RGS20: variants seen among roughly 807,000 people sequenced by gnomAD.
RGS20 encodes regulator of G protein signaling 20.
Under a neutral mutation model 33.6 loss-of-function variants are expected in RGS20, and 30 were observed. That is an observed-to-expected ratio of 0.89 (90% CI 0.67 to 1.21). The LOEUF (loss-of-function observed/expected upper bound fraction) is 1.21, where lower values mean the gene tolerates loss of function less well. RGS20 is among the 50% of genes most tolerant of loss of function. RGS20 has a pLI of 0.00. For synonymous variants in RGS20, 208 were observed against 197.9 expected (o/e 1.05, Z -0.43); for missense variants, 472 against 502.4 (o/e 0.94, Z 0.58).
rs539711244 is a variant in RGS20 at position 53,911,535 on chromosome 8, T to C, written c.511-28041T>C. On this transcript the variant is annotated intron_variant, in intron 2 of 5. Transcript: ENST00000297313. ...GAAAATCTTAGGTAAGATAGATACT[T>C]TTCTGAAAAAATATAAATTTAAAAT... Among the ~76,000 whole-genome samples the C allele has an allele frequency of 3.5e-5, 5 of 142,080 alleles. No individual in the cohort carries two copies. In the South Asian group the frequency reaches 1.1e-3, roughly 31 times the overall value. The allele number at this position is 142,080 out of a possible 152,430, so 93.2% of individuals were successfully genotyped here. A position where few individuals can be genotyped will look rare whatever the true frequency, so the allele number is the denominator to read the frequency against.
intron 2 of RGS20, among the ~76,000 whole-genome samples, chr8:53,929,381 T>TA (rs1813892184): frequency 6.6e-6 from 1 of 152,144 alleles, no homozygotes. Flanking sequence ...AAAATTTTTT[T>TA]AAAAATGTAT....
In RGS20 at chr8:53,879,372, C is replaced by T; in HGVS notation, c.280C>T (p.Pro94Ser). ...CTTCTCTCACCTTCTCCGGCGACCC[C>T]CTCCCGAGGCTCCCCGGAGGCGCCT... Residue 94 changes from proline to serine, a missense_variant, in exon 2 of 6, where the codon CCT (proline) becomes TCT (serine). Around this residue, in one of 3 missense-constraint regions of RGS20, gnomAD observed 319 missense variants for 283.4 expected, o/e 1.13. Coordinates refer to ENST00000297313, the MANE Select transcript of RGS20 (RefSeq NM_170587.4). 1 of 1,611,630 alleles carries T rather than the reference C, an allele frequency of 6.2e-7. No homozygotes were observed. Among genetic ancestry groups the T allele is most frequent in the Non-Finnish European group, 8.5e-7 (1 of 1,179,844 alleles).
intron 1 of RGS20, among the ~76,000 whole-genome samples, chr8:53,853,175 G>A (rs1811602996): frequency 6.6e-6 from 1 of 152,212 alleles, no homozygotes; most frequent in Non-Finnish European, 1.5e-5. Context: ...AAGGCAGAAT[G>A]TGGAGGCTAC....
At chr8:53,944,253 T>C (rs1236434408) in intron 3 of RGS20, among the ~76,000 whole-genome samples, 5 of 152,096 alleles carry the variant, frequency 3.3e-5, no homozygotes, top group Non-Finnish European at 5.9e-5. Context: ...TTTAACAATG[T>C]ATTTGGCCAG....
At chr8:53,928,236 C>T (rs1813857897) in intron 2 of RGS20, among the ~76,000 whole-genome samples, 1 of 152,082 alleles carries the variant, frequency 6.6e-6, no homozygotes, top group African/African-American at 2.4e-5. Context: ...GTTTTATTAA[C>T]ACTTTTAGTT....
intron 2 of RGS20, among the ~76,000 whole-genome samples, chr8:53,919,099 A>C (rs1813575137): frequency 6.6e-6 from 1 of 152,222 alleles, no homozygotes; most frequent in Admixed American, 6.5e-5. Context: ...TACCCATCCT[A>C]GTAGGAATAA....
intron 3 of RGS20, 92 bp from the exon 3 acceptor site, chr8:53,946,573 T>C: frequency 9.5e-7 from 1 of 1,047,866 alleles, no homozygotes; most frequent in Non-Finnish European, 1.5e-6. Context: ...CTATTAATAC[T>C]TGGGGATCTG....
intron 2 of RGS20, chr8:53,887,375 C>T (rs1168039716): frequency 4.1e-5 from 9 of 221,908 alleles, no homozygotes; most frequent in East Asian, 2.2e-4. Context: ...AGGAGGAATT[C>T]GTTCCTTATC....
rs1554520815 is a variant in RGS20, at chr8:53,909,207, GTGTA to G, written c.510+29607_510+29610del. Among the ~76,000 whole-genome samples the G allele has an allele frequency of 6.9e-3, 574 of 83,002 alleles. 2 individuals are homozygous for G. Among genetic ancestry groups the G allele is most frequent in the African/African-American group, 0.02 (380 of 18,810 alleles). The allele number at this position is 83,002 out of a possible 152,430, so 54.5% of individuals were successfully genotyped here. On this transcript the variant is annotated intron_variant, in intron 2 of 5. Transcript: ENST00000297313. ...TACTCTATTATCCATTATGGTATGT[GTGTA>G]TATATATATATATATATATATATAT...
intron 2 of RGS20, among the ~76,000 whole-genome samples, chr8:53,918,076 T>C (rs1353855066): frequency 6.6e-6 from 1 of 152,210 alleles, no homozygotes; most frequent in Non-Finnish European, 1.5e-5. Context: ...GCATTCCTTT[T>C]ATAAAATTGT....
rs373066756 is a variant in RGS20 at position 53,954,072 on chromosome 8, G to C, written c.744-4G>C. The C allele has an allele frequency of 6.8e-6, 11 of 1,608,270 alleles. No homozygotes were observed. In the African/African-American group the frequency reaches 1.5e-4, roughly 22 times the overall value. On this transcript the variant is annotated splice_polypyrimidine_tract_variant and splice_region_variant and intron_variant, in intron 4 of 5. Transcript: ENST00000297313. The stretch of plus-strand genomic sequence containing the variant: ...TTGCCCCCTCTCTTTTGGTCTCCAC[G>C]AAGCCCTGCTCCTACTCTGGAAGAA...
chr8:53,936,304 A>G (rs963974582), intron 2 of RGS20, among the ~76,000 whole-genome samples: 4 of 152,214 alleles, frequency 2.6e-5, no homozygotes, highest in Non-Finnish European at 1.5e-5. Context: ...AGAGAGAGTC[A>G]AATTATCTCT....
chr8:53,939,735 G>A lies in RGS20; in HGVS notation c.659+11G>A. On this transcript the variant is annotated intron_variant, in intron 3 of 5. Transcript: ENST00000297313. Reference sequence around the variant, plus strand: ...TTGTAGCTGCTCGTGGTAAGGTTTGGGGCTTTTTAATGAATGTGCTCCTGA... The same window carrying A: ...TTGTAGCTGCTCGTGGTAAGGTTTGAGGCTTTTTAATGAATGTGCTCCTGA... 2 of 1,547,494 alleles carry A rather than the reference G, an allele frequency of 1.3e-6. No homozygotes were observed. Among genetic ancestry groups the A allele is most frequent in the Non-Finnish European group, 1.7e-6 (2 of 1,144,694 alleles).
intron 1 of RGS20, among the ~76,000 whole-genome samples, chr8:53,852,444 G>A (rs73680327): frequency 0.042 from 6,443 of 152,024 alleles, 407 homozygotes; most frequent in African/African-American, 0.14. Context: ...ATTATAGACC[G>A]CTTTCTACAA....
intron 2 of RGS20, among the ~76,000 whole-genome samples, chr8:53,921,441 T>G (rs1813642390): frequency 6.6e-6 from 1 of 150,882 alleles, no homozygotes; most frequent in Admixed American, 6.6e-5. Context: ...GCTGAGCTTT[T>G]CTTTTTTTTT....
intron 2 of RGS20, among the ~76,000 whole-genome samples, chr8:53,934,610 C>G (rs912145760): frequency 1.3e-5 from 2 of 152,266 alleles, no homozygotes; most frequent in Admixed American, 6.5e-5. Flanking sequence ...ATTCATAAAG[C>G]AAGTTCTTAG....
chr8:53,852,827 C>T (rs915568816), intron 1 of RGS20, among the ~76,000 whole-genome samples: 6 of 152,084 alleles, frequency 3.9e-5, no homozygotes, highest in East Asian at 1.9e-4. Flanking sequence ...GTTCTTTTGC[C>T]GCGGCTCATA....
chr8:53,900,790 C>T (rs1364754779), intron 2 of RGS20, among the ~76,000 whole-genome samples: 1 of 152,180 alleles, frequency 6.6e-6, no homozygotes, highest in Non-Finnish European at 1.5e-5. Context: ...CGCTATTGCA[C>T]CAGACTGCTG....
rs530643252 is a variant in RGS20 at position 53,859,584 on chromosome 8, C to T, written c.165+7520C>T. Among the ~76,000 whole-genome samples, 10 of 152,240 alleles carry T rather than the reference C, an allele frequency of 6.6e-5. No individual in the cohort carries two copies. In the South Asian group the frequency reaches 2.1e-3, roughly 32 times the overall value. On this transcript the variant is annotated intron_variant, in intron 1 of 5. Coordinates refer to ENST00000297313, the MANE Select transcript of RGS20 (RefSeq NM_170587.4). ...TTAGAAAATTTACATTAAAGTTTTA[C>T]CCTCTTGCAAGATAAAGATGTGAAT...
Sources: allele counts gnomAD v4.1 joint callset (sites outside exome capture counted in the v4.1 genomes callset), GRCh38; gene constraint gnomAD v4.1.1; regional missense constraint gnomAD v4.1.1; transcripts MANE v1.5; gene names NCBI Gene and HGNC (gene_info 2026-07-23, HGNC 2026-07-21).